The following CDH23 variants were observed in gnomAD, a reference collection of about 807,000 sequenced individuals.
CDH23 encodes the protein cadherin-23.
Under a neutral mutation model 317.1 loss-of-function variants are expected in CDH23, and 189 were observed. The observed-to-expected ratio is 0.60, with a 90% CI of 0.53 to 0.67. The LOEUF (loss-of-function observed/expected upper bound fraction) is 0.67. CDH23 is among the 30% of genes least tolerant of loss of function. The pLI is 0.00. For synonymous variants in CDH23, 1,839 were observed against 1,876.8 expected, an observed-to-expected ratio of 0.98 and a Z score of 0.52; for missense variants, 4,401 against 4,592.4, an observed-to-expected ratio of 0.96 and a Z score of 1.20.
At chr10:71,594,565 G>A (rs1859716427) in intron 9 of CDH23, among the ~76,000 whole-genome samples, 1 of 152,160 alleles carries the variant, frequency 6.6e-6, no homozygotes, top group Admixed American at 6.5e-5. Flanking sequence ...TAGTAGAGAT[G>A]GGGTTTCTCC....
chr10:71,430,017 G>T (rs946691357), intron 1 of CDH23, among the ~76,000 whole-genome samples: 1 of 152,220 alleles, frequency 6.6e-6, no homozygotes, highest in African/African-American at 2.4e-5. Flanking sequence ...TGTAAGGTGG[G>T]ATGTGAAAGG....
At position 71,675,120 on chromosome 10, in the gene CDH23, C is replaced by G. The variant is rs558084866; in HGVS notation, c.1458C>G (p.Asp486Glu). The G allele has an allele frequency of 7.4e-6, 12 of 1,613,840 alleles. No individual in the cohort carries two copies. Among genetic ancestry groups the G allele is most frequent in the Non-Finnish European group, 1.0e-5 (12 of 1,179,838 alleles). The change falls in exon 15 of 70, where the codon GAC (aspartate) becomes GAG (glutamate). Residue 486 changes from aspartate to glutamate, a missense_variant. This residue lies in a region of CDH23 where 3,068 missense variants were observed against 3,203.3 expected (regional missense o/e 0.96). Transcript: ENST00000224721. ...GTSVLTVLAT[D>E]NDAGTFGEVS... ...TGTTCTCGCTGTTGCAGGCAACTGA[C>G]AATGATGCAGGCACCTTTGGGGAAG...
chr10:71,544,450 G>A (rs1856162049), intron 6 of CDH23, among the ~76,000 whole-genome samples: 1 of 152,204 alleles, frequency 6.6e-6, no homozygotes, highest in African/African-American at 2.4e-5. Context: ...GGCGATGGGA[G>A]TAGGCTGGGG....
rs534230897 is a variant in CDH23, at chr10:71,571,005, G to A, written c.753+87G>A. Reference sequence around the variant, plus strand: ...CTGTTAGGGATGGGCCCTGTTAGTGGGCTGGGCTCCTCCTTGGCTCCTCCG... The same window carrying A: ...CTGTTAGGGATGGGCCCTGTTAGTGAGCTGGGCTCCTCCTTGGCTCCTCCG... On this transcript the variant is annotated intron_variant, in intron 8 of 69. Transcript: ENST00000224721. The A allele has an allele frequency of 1.1e-5, 16 of 1,491,258 alleles. No homozygotes were observed. The South Asian group carries it at 1.8e-4, about 17-fold the overall frequency. 92.4% of individuals were successfully genotyped at this position (1,491,258 alleles called of 1,614,324 possible).
Position 71,702,051 on chromosome 10 carries a change from G to A in CDH23, c.2427G>A (p.Glu809=), listed in dbSNP as rs1436083706. 3 of 1,613,806 alleles carry A rather than the reference G, an allele frequency of 1.9e-6. No homozygotes were observed. Among genetic ancestry groups the A allele is most frequent in the Non-Finnish European group, 8.5e-7 (1 of 1,179,868 alleles). Residue 809 remains glutamate, a synonymous_variant, in exon 23 of 70, where the codon GAG becomes GAA. Transcript: ENST00000224721. ...TGGCTGTTGACCCAGACCTGGGGGA[G>A]AATGGCACCCTGGTGTACAGCATCC... ...TVVAVDPDLG[E]NGTLVYSIQP...
At chr10:71,738,463 G>A (rs1480587293) in intron 34 of CDH23, 35 bp from the exon 35 acceptor site, 1 of 1,613,580 alleles carries the variant, frequency 6.2e-7, no homozygotes, top group East Asian at 2.2e-5. Flanking sequence ...AGGAGGGGAA[G>A]GAGGCTGTAG....
At chr10:71,559,331 G>A (rs1002017336) in intron 6 of CDH23, among the ~76,000 whole-genome samples, 1 of 152,224 alleles carries the variant, frequency 6.6e-6, no homozygotes, top group African/African-American at 2.4e-5. Flanking sequence ...TTAAATGGAT[G>A]TGTTCAATCT....
At position 71,807,740 on chromosome 10, in the gene CDH23, C is replaced by T. The variant is rs727505254; in HGVS notation, c.8533C>T (p.Arg2845Cys). 3.0e-5 allele frequency: 48 copies of T among 1,606,860 alleles called. No homozygotes were observed. Among genetic ancestry groups the T allele is most frequent in the Admixed American group, 1.7e-4 (10 of 58,864 alleles). ...VLEDINDQPP[R>C]FTKAEYTAGV... ...AGAGGACATCAACGACCAGCCACCA[C>T]GCTTCACCAAGGCTGAGTACACTGC... Residue 2845 changes from arginine to cysteine, a missense_variant, in exon 59 of 70, where the codon CGC becomes TGC. Physicochemically the swap from Arg to Cys is radical, Grantham distance 180. Around this residue, in one of 3 missense-constraint regions of CDH23, gnomAD observed 1,144 missense variants for 1,138.2 expected, o/e 1.01. Transcript: ENST00000224721.
At chr10:71,734,374 G>A (rs1410085937) in intron 33 of CDH23, 33 bp downstream of exon 33, 2 of 1,571,834 alleles carry the variant, frequency 1.3e-6, no homozygotes, top group Non-Finnish European at 1.7e-6. Context: ...TCCCTCAGGT[G>A]CGGCCCATCG....
chr10:71,759,488 C>CAG (rs767307002), intron 38 of CDH23, among the ~76,000 whole-genome samples: 2 of 150,606 alleles, frequency 1.3e-5, no homozygotes, highest in African/African-American at 4.9e-5. Context: ...GCCTGAGTGA[C>CAG]AGAGAGAGAG....
intron 6 of CDH23, among the ~76,000 whole-genome samples, chr10:71,533,044 TTGTC>T (rs1207278308): frequency 1.3e-5 from 2 of 152,188 alleles, no homozygotes; most frequent in Non-Finnish European, 2.9e-5. Context: ...GTATTTTTAA[TTGTC>T]TGTGTGTGCC....
intron 14 of CDH23, among the ~76,000 whole-genome samples, chr10:71,648,600 G>A (rs1405810664): frequency 6.6e-6 from 1 of 152,328 alleles, no homozygotes; most frequent in East Asian, 1.9e-4. Flanking sequence ...ATATGAGAAG[G>A]GGCATCCCTT....
At chr10:71,507,688 T>G (rs1450890043) in intron 3 of CDH23, among the ~76,000 whole-genome samples, 1 of 152,210 alleles carries the variant, frequency 6.6e-6, no homozygotes, top group Non-Finnish European at 1.5e-5. Flanking sequence ...AGCGAGACCC[T>G]GCCACCCAAA....
intron 20 of CDH23, 44 bp from the exon 21 acceptor site, chr10:71,694,103 G>A: frequency 7.2e-7 from 1 of 1,387,998 alleles, no homozygotes; most frequent in Non-Finnish European, 1.0e-6. Flanking sequence ...CTCTCTCCCT[G>A]GCCCACCCAA....
chr10:71,424,560 C>T (rs1156793386), intron 1 of CDH23, among the ~76,000 whole-genome samples: 1 of 152,236 alleles, frequency 6.6e-6, no homozygotes, highest in African/African-American at 2.4e-5. Context: ...CCCCTTCCCC[C>T]AGCTGAGGGT....
chr10:71,788,511 A>G (rs1841159135), intron 44 of CDH23, among the ~76,000 whole-genome samples: 1 of 151,470 alleles, frequency 6.6e-6, no homozygotes, highest in Admixed American at 6.6e-5. Context: ...GCTGGAGTGC[A>G]GTGGCGTGAT....
intron 14 of CDH23, among the ~76,000 whole-genome samples, chr10:71,672,782 G>A (rs1864200939): frequency 6.6e-6 from 1 of 152,162 alleles, no homozygotes; most frequent in Admixed American, 6.5e-5. Flanking sequence ...CCAGGCCCCA[G>A]GGTGAAGGGG....
intron 1 of CDH23, among the ~76,000 whole-genome samples, chr10:71,435,996 A>G (rs1224450290): frequency 1.3e-5 from 2 of 152,216 alleles, no homozygotes; most frequent in African/African-American, 4.8e-5. Context: ...GAGCCAGAGG[A>G]AGATCTGGGA....
intron 26 of CDH23, chr10:71,707,336 C>T: frequency 7.1e-7 from 1 of 1,412,592 alleles, no homozygotes; most frequent in Non-Finnish European, 9.2e-7. Flanking sequence ...GAGGTAAGGC[C>T]CCATGATTCC....
Sources: gnomAD v4.1 joint callset for allele counts (sites outside exome capture counted in the v4.1 genomes callset) on GRCh38, gnomAD v4.1.1 for gene constraint, gnomAD v4.1.1 regional missense constraint, MANE v1.5 for transcripts, NCBI Gene and HGNC (gene_info 2026-07-23, HGNC 2026-07-21) for gene names.